Variants in PPP3CC observed in about 807,000 individuals in gnomAD.
The protein encoded by PPP3CC is protein phosphatase 3 catalytic subunit gamma, also known as serine/threonine-protein phosphatase 2B catalytic subunit gamma isoform.
In PPP3CC, 35 loss-of-function variants were observed where a neutral mutation model predicts 60.3. The ratio of observed to expected loss-of-function variants is 0.58; its 90% CI spans 0.44 to 0.77. The LOEUF (loss-of-function observed/expected upper bound fraction) is 0.77, where lower values mean the gene tolerates loss of function less well. Among genes scored for constraint, PPP3CC ranks in the 30% least tolerant of loss-of-function variants. PPP3CC has a pLI of 0.00. For missense variants in PPP3CC, 570 were observed against 628.9 expected, an observed-to-expected ratio of 0.91 and a Z score of 1.00; for synonymous variants, 206 against 224.3, an observed-to-expected ratio of 0.92 and a Z score of 0.73.
intron 4 of PPP3CC, among the ~76,000 whole-genome samples, chr8:22,506,333 C>T (rs559287260): frequency 6.6e-6 from 1 of 151,926 alleles, no homozygotes; most frequent in Non-Finnish European, 1.5e-5. Flanking sequence ...TTTTCAAGTG[C>T]CTTTAACTCA....
At position 22,475,056 on chromosome 8, in the gene PPP3CC, G is replaced by C; in HGVS notation, c.152G>C (p.Arg51Pro). The change falls in exon 2 of 14, where the codon CGA (arginine) becomes CCA (proline). Residue 51 changes from arginine (R) to proline (P), a missense_variant. Transcript: ENST00000240139. Reference sequence around the variant, plus strand: ...AAAAACCATTTGGTAAAGGAAGGACGACTGGAAGAGGAAGTAGCCTTAAAG... The same window carrying C: ...AAAAACCATTTGGTAAAGGAAGGACCACTGGAAGAGGAAGTAGCCTTAAAG... ...VLKNHLVKEG[R>P]LEEEVALKII... The C allele has an allele frequency of 6.2e-7, 1 of 1,613,456 alleles. No homozygotes were observed.
At chr8:22,504,688 CTCCCTCCCTCCT>C (rs1456408686) in intron 4 of PPP3CC, among the ~76,000 whole-genome samples, 3 of 151,458 alleles carry the variant, frequency 2.0e-5, no homozygotes, top group African/African-American at 4.9e-5. Context: ...TAGTGCCTGC[CTCCCTCCCTCCT>C]TCCCTCCCTC....
At chr8:22,483,103 C>T (rs1342155810) in intron 3 of PPP3CC, among the ~76,000 whole-genome samples, 1 of 152,058 alleles carries the variant, frequency 6.6e-6, no homozygotes, top group Non-Finnish European at 1.5e-5. Context: ...CAAAAAGAAA[C>T]AGATTTCAGA....
intron 3 of PPP3CC, among the ~76,000 whole-genome samples, chr8:22,490,326 G>A (rs767135264): frequency 6.6e-5 from 10 of 152,154 alleles, no homozygotes; most frequent in African/African-American, 2.4e-4. Flanking sequence ...CTGGCAATCT[G>A]TATTCTGTCG....
intron 1 of PPP3CC, among the ~76,000 whole-genome samples, chr8:22,458,105 AAAAAC>A (rs1372294710): frequency 6.6e-6 from 1 of 152,058 alleles, no homozygotes; most frequent in Non-Finnish European, 1.5e-5. Flanking sequence ...AAAAAACAAA[AAAAAC>A]AAAAAAAACA....
At chr8:22,530,380 G>A (rs1839672933) in intron 10 of PPP3CC, among the ~76,000 whole-genome samples, 1 of 151,946 alleles carries the variant, frequency 6.6e-6, no homozygotes, top group Non-Finnish European at 1.5e-5. Flanking sequence ...ACTTGAACCT[G>A]GGAGGCAGAG....
intron 1 of PPP3CC, among the ~76,000 whole-genome samples, chr8:22,442,659 C>T (rs1045342656): frequency 1.3e-5 from 2 of 152,110 alleles, no homozygotes; most frequent in African/African-American, 4.8e-5. Context: ...TGACATTATC[C>T]CCTGAACAGC....
rs936327231 is a variant in PPP3CC, at chr8:22,478,746, C to T, written c.372+3122C>T. 7.2e-5 allele frequency among the ~76,000 whole-genome samples: 11 copies of T among 152,152 alleles called. 1 individual carries two copies. The highest frequency in any genetic ancestry group is 2.0e-4 in the Admixed American group (3 of 15,268). ...CTTCCAGTCTAATAGAAAAGATGCACTTACGAATAGACTTTTGTTATAATA... is the reference window on the plus strand; with the variant it reads ...CTTCCAGTCTAATAGAAAAGATGCATTTACGAATAGACTTTTGTTATAATA... On this transcript the variant is annotated intron_variant, in intron 3 of 13. Coordinates refer to ENST00000240139, the MANE Select transcript of PPP3CC (RefSeq NM_005605.5).
At chr8:22,472,363 A>AACACACACACACACACACAC (rs71546810) in intron 1 of PPP3CC, among the ~76,000 whole-genome samples, 1,558 of 125,658 alleles carry the variant, frequency 0.012, 39 homozygotes, top group African/African-American at 0.018. Context: ...GGTAAAAATG[A>AACACACACACACACACACAC]ACACACACAC....
rs377432435 is a variant in PPP3CC at position 22,487,185 on chromosome 8, T to G, written c.373-10816T>G. ...CTTTTTGAATATATCTGTGATGGCATTTCAGATACTTAGATCAGATTCTCA... is the reference window on the plus strand; with the variant it reads ...CTTTTTGAATATATCTGTGATGGCAGTTCAGATACTTAGATCAGATTCTCA... On this transcript the variant is annotated intron_variant, in intron 3 of 13. Coordinates refer to ENST00000240139, the MANE Select transcript of PPP3CC (RefSeq NM_005605.5). 4.8e-4 allele frequency among the ~76,000 whole-genome samples: 73 copies of G among 152,334 alleles called. 2 individuals carry two copies. In the South Asian group the frequency reaches 0.015, roughly 31 times the overall value.
chr8:22,523,514 C>G (rs1047006388), intron 8 of PPP3CC: 5 of 206,532 alleles, frequency 2.4e-5, no homozygotes, highest in African/African-American at 1.2e-4. Context: ...ATAAACATGC[C>G]AGAACAAACA....
intron 4 of PPP3CC, among the ~76,000 whole-genome samples, chr8:22,502,292 C>A (rs1044076525): frequency 2.6e-5 from 4 of 151,936 alleles, no homozygotes; most frequent in African/African-American, 4.8e-5. Flanking sequence ...TTAATTGTAA[C>A]AACAACAACA....
chr8:22,447,039 G>C (rs887082470), intron 1 of PPP3CC, among the ~76,000 whole-genome samples: 1 of 151,756 alleles, frequency 6.6e-6, no homozygotes, highest in African/African-American at 2.4e-5. Flanking sequence ...ACAGGGTCTC[G>C]CTCTGTTGCC....
intron 3 of PPP3CC, among the ~76,000 whole-genome samples, chr8:22,477,892 C>T (rs1473534339): frequency 6.6e-6 from 1 of 151,726 alleles, no homozygotes; most frequent in Non-Finnish European, 1.5e-5. Flanking sequence ...CTTTTGTTGC[C>T]CAGGCTAGAG....
chr8:22,479,003 AG>A (rs1837981512), intron 3 of PPP3CC, among the ~76,000 whole-genome samples: 1 of 152,220 alleles, frequency 6.6e-6, no homozygotes, highest in Non-Finnish European at 1.5e-5. Flanking sequence ...ATTTTATACC[AG>A]TGTTAAAACC....
intron 1 of PPP3CC, among the ~76,000 whole-genome samples, chr8:22,472,576 TGAG>T (rs1325720024): frequency 6.6e-6 from 1 of 152,176 alleles, no homozygotes; most frequent in Non-Finnish European, 1.5e-5. Flanking sequence ...CTGAGGCTCT[TGAG>T]GAGATGTCAC....
chr8:22,452,382 A>T (rs1837060980), intron 1 of PPP3CC, among the ~76,000 whole-genome samples: 1 of 152,020 alleles, frequency 6.6e-6, no homozygotes, highest in Non-Finnish European at 1.5e-5. Context: ...TTTGTTTTTC[A>T]AGATTTAGCC....
At chr8:22,448,022 A>G (rs1272413806) in intron 1 of PPP3CC, among the ~76,000 whole-genome samples, 1 of 152,258 alleles carries the variant, frequency 6.6e-6, no homozygotes, top group Non-Finnish European at 1.5e-5. Flanking sequence ...GAAATTCTAA[A>G]TGAACAAACA....
chr8:22,513,483 T>C, intron 6 of PPP3CC, 51 bp downstream of exon 6: 2 of 1,507,718 alleles, frequency 1.3e-6, no homozygotes, highest in Non-Finnish European at 1.8e-6. Context: ...GTAATTCATT[T>C]TATCAGATGA....
Sources: allele counts gnomAD v4.1 joint callset (sites outside exome capture counted in the v4.1 genomes callset), GRCh38; gene constraint gnomAD v4.1.1; transcripts MANE v1.5; gene names NCBI Gene and HGNC (gene_info 2026-07-23, HGNC 2026-07-21).